The following TECPR2 variants were observed in gnomAD, a reference collection of about 807,000 sequenced individuals.
The protein encoded by TECPR2 is tectonin beta-propeller repeat-containing protein 2.
In TECPR2, 65 loss-of-function variants were observed where a neutral mutation model predicts 138.1. The ratio of observed to expected loss-of-function variants is 0.47; its 90% CI spans 0.39 to 0.58. The LOEUF is 0.58. Ranked by LOEUF, TECPR2 falls within the 20% of genes least tolerant of loss-of-function variation. The pLI, the probability that TECPR2 is intolerant of heterozygous loss-of-function variation, is 0.00. For synonymous variants in TECPR2, 746 were observed against 749.8 expected (o/e 0.99, Z 0.08); for missense variants, 1,553 against 1,824.5 (o/e 0.85, Z 2.71).
Position 102,397,440 on chromosome 14 carries a change from AT to A in TECPR2, c.220-9897del, listed in dbSNP as rs573086465. 2.0e-5 allele frequency among the ~76,000 whole-genome samples: 3 copies of A among 152,318 alleles called. No homozygotes were observed. In the East Asian group the frequency reaches 5.8e-4, roughly 29 times the overall value. On this transcript the variant is annotated intron_variant, in intron 2 of 19. Transcript: ENST00000359520. ...ATTTTAAAACAACTGTCTTAAAGATATGCAAACAACTAAAGAAGATGTGGCG... is the reference window on the plus strand; with the variant it reads ...ATTTTAAAACAACTGTCTTAAAGATAGCAAACAACTAAAGAAGATGTGGCG...
At chr14:102,497,918 A>G (rs1160907443) in intron 19 of TECPR2, among the ~76,000 whole-genome samples, 185 bp from the exon 20 acceptor site, 1 of 152,232 alleles carries the variant, frequency 6.6e-6, no homozygotes, top group African/African-American at 2.4e-5. Context: ...CTGGGCAAGG[A>G]CAAGGTGCTG....
Position 102,455,048 on chromosome 14 carries a change from T to C in TECPR2, c.3640+2421T>C, listed in dbSNP as rs551970849. The stretch of plus-strand genomic sequence containing the variant: ...TCTAAGGTGTGTATTTGGGCTTCAC[T>C]GGGAGGTTTCTCTCGGGGAGAAACC... On this transcript the variant is annotated intron_variant, in intron 16 of 19. Transcript: ENST00000359520. Among the ~76,000 whole-genome samples, 105 of 152,284 alleles carry C rather than the reference T, an allele frequency of 6.9e-4. 1 individual carries two copies. Among genetic ancestry groups the C allele is most frequent in the African/African-American group, 2.5e-3 (102 of 41,560 alleles).
At chr14:102,429,610 C>T (rs1889413908) in intron 7 of TECPR2, among the ~76,000 whole-genome samples, 1 of 152,160 alleles carries the variant, frequency 6.6e-6, no homozygotes. Context: ...CATGTGGACC[C>T]CATCACCCTC....
intron 13 of TECPR2, among the ~76,000 whole-genome samples, chr14:102,448,735 C>T (rs112890113): frequency 0.095 from 14,439 of 151,872 alleles, 979 homozygotes; most frequent in African/African-American, 0.2. Context: ...GCTGTTGTGG[C>T]GTGCGCCTGT....
intron 1 of TECPR2, among the ~76,000 whole-genome samples, chr14:102,372,990 T>C (rs150474890): frequency 5.9e-5 from 9 of 152,298 alleles, no homozygotes; most frequent in African/African-American, 2.2e-4. Flanking sequence ...AAAAGTTAAA[T>C]AAATTATGGC....
At chr14:102,368,085 A>G (rs1887395547) in intron 1 of TECPR2, among the ~76,000 whole-genome samples, 1 of 135,828 alleles carries the variant, frequency 7.4e-6, no homozygotes. Flanking sequence ...TTGGCTCACT[A>G]CAACCTCCAC....
At chr14:102,494,805 CAA>C (rs1401609007) in intron 17 of TECPR2, among the ~76,000 whole-genome samples, 3 of 138,636 alleles carry the variant, frequency 2.2e-5, no homozygotes, top group Non-Finnish European at 3.1e-5. Context: ...GCCTGGGTAA[CAA>C]GAGCGAAACT....
chr14:102,445,038 C>G (rs1244873076), intron 12 of TECPR2, among the ~76,000 whole-genome samples: 1 of 152,230 alleles, frequency 6.6e-6, no homozygotes, highest in East Asian at 1.9e-4. Flanking sequence ...TGGCCCTGCT[C>G]TCATCAGTTC....
Position 102,497,788 on chromosome 14 carries a change from G to T in TECPR2, c.4081+69G>T, listed in dbSNP as rs1266632065. 5.4e-6 allele frequency: 8 copies of T among 1,480,918 alleles called. No homozygotes were observed. The African/African-American group carries it at 1.1e-4, about 21-fold the overall frequency. The allele number at this position is 1,480,918 out of a possible 1,614,324, so 91.7% of individuals were successfully genotyped here. On this transcript the variant is annotated intron_variant, in intron 19 of 19. Coordinates refer to ENST00000359520, the MANE Select transcript of TECPR2 (RefSeq NM_014844.5). The stretch of plus-strand genomic sequence containing the variant: ...CAGGGCTCCTGTGGACGATGTCGGG[G>T]GGCTCTCAAAGAAGCCGACCCCACT...
chr14:102,406,373 C>T (rs1344098052), intron 2 of TECPR2, among the ~76,000 whole-genome samples: 1 of 151,120 alleles, frequency 6.6e-6, no homozygotes, highest in East Asian at 2.0e-4. Context: ...ACGGTGAAAC[C>T]CCGTCTCTAC....
chr14:102,467,979 G>A (rs1890582978), intron 17 of TECPR2, among the ~76,000 whole-genome samples: 1 of 150,948 alleles, frequency 6.6e-6, no homozygotes, highest in Admixed American at 6.6e-5. Flanking sequence ...TGGGATTACA[G>A]ACATGTGCCT....
In TECPR2 at chr14:102,496,620, G is replaced by A. The variant is rs115016502; in HGVS notation, c.3790-359G>A. ...AGGTGGCAGGGGCTCCTGGGCTGGC[G>A]TTTTTGTTTCTCACAGTGCCCACCA... On this transcript the variant is annotated intron_variant, in intron 17 of 19. Coordinates refer to ENST00000359520, the MANE Select transcript of TECPR2 (RefSeq NM_014844.5). Among the ~76,000 whole-genome samples the A allele has an allele frequency of 8.4e-3, 1,272 of 152,328 alleles. 20 individuals carry two copies. The highest frequency in any genetic ancestry group is 0.029 in the African/African-American group (1,201 of 41,562).
chr14:102,381,941 C>G (rs999980109), intron 2 of TECPR2, among the ~76,000 whole-genome samples: 1 of 152,122 alleles, frequency 6.6e-6, no homozygotes, highest in African/African-American at 2.4e-5. Flanking sequence ...GTAAGGTATC[C>G]TATACATTTG....
Position 102,499,195 on chromosome 14 carries a change from G to A in TECPR2, c.*938G>A. The stretch of plus-strand genomic sequence containing the variant: ...GGGACGGCACAGGAGGGTGCATGGG[G>A]CGTGGGGGAGCTGAGCAAGGGTCGC... On this transcript the variant is annotated 3_prime_UTR_variant, in exon 20 of 20. Coordinates refer to ENST00000359520, the MANE Select transcript of TECPR2 (RefSeq NM_014844.5). The A allele has an allele frequency of 1.4e-6, 1 of 700,648 alleles. No individual in the cohort carries two copies. The allele number at this position is 700,648 out of a possible 1,614,324, so 43.4% of individuals were successfully genotyped here.
intron 2 of TECPR2, among the ~76,000 whole-genome samples, chr14:102,377,415 C>T (rs1887670125): frequency 6.6e-6 from 1 of 152,186 alleles, no homozygotes; most frequent in Admixed American, 6.5e-5. Context: ...CTGCCTTGGC[C>T]TCCTAAAGTA....
At position 102,438,092 on chromosome 14, in the gene TECPR2, A is replaced by T. The variant is rs753599970; in HGVS notation, c.2465A>T (p.Tyr822Phe). 3.1e-6 allele frequency: 5 copies of T among 1,614,028 alleles called. No individual in the cohort carries two copies. In the Admixed American group the frequency reaches 5.0e-5, roughly 16 times the overall value. Residue 822 changes from tyrosine (Y) to phenylalanine (F), a missense_variant, in exon 10 of 20, where the codon TAT becomes TTT. Tyr to Phe is a conservative substitution (Grantham distance 22, BLOSUM62 3). Coordinates refer to ENST00000359520, the MANE Select transcript of TECPR2 (RefSeq NM_014844.5). ...GILSLVVSEK[Y>F]IWCLDYKGGL... ...CTCAGCTTGGTGGTCTCCGAGAAGT[A>T]TATCTGGTGCCTGGACTACAAAGGC...
At position 102,410,500 on chromosome 14, in the gene TECPR2, A is replaced by T. The variant is rs554541334; in HGVS notation, c.480+1881A>T. On this transcript the variant is annotated intron_variant, in intron 4 of 19. Coordinates refer to ENST00000359520, the MANE Select transcript of TECPR2 (RefSeq NM_014844.5). ...AAAAAAATAAAAAATAAAAAATAAA[A>T]AAATAAAAACACACCTCACCAAGCT... Among the ~76,000 whole-genome samples the T allele has an allele frequency of 7.7e-4, 112 of 145,660 alleles. 2 individuals carry two copies. The East Asian group carries it at 0.019, about 25-fold the overall frequency.
chr14:102,496,732 C>G, intron 17 of TECPR2: 1 of 543,346 alleles, frequency 1.8e-6, no homozygotes, highest in Non-Finnish European at 3.2e-6. Context: ...TTCTTGGCCT[C>G]CTGCTGGAGT....
intron 12 of TECPR2, among the ~76,000 whole-genome samples, chr14:102,445,376 G>C (rs370147863): frequency 6.7e-6 from 1 of 148,550 alleles, no homozygotes; most frequent in African/African-American, 2.5e-5. Context: ...TTGGATTGGC[G>C]GGGGAAGGAG....
Sources: gnomAD v4.1 joint callset for allele counts (sites outside exome capture counted in the v4.1 genomes callset) on GRCh38, gnomAD v4.1.1 for gene constraint, MANE v1.5 for transcripts, NCBI Gene and HGNC (gene_info 2026-07-23, HGNC 2026-07-21) for gene names.